MAP3K4: variants seen among roughly 807,000 people sequenced by gnomAD.
MAP3K4 encodes the protein MAP three kinase 1.
Under a neutral mutation model 185.6 loss-of-function variants are expected in MAP3K4, and 67 were observed. The observed-to-expected ratio is 0.36, with a 90% CI of 0.30 to 0.44. MAP3K4 has a LOEUF of 0.44. Ranked by LOEUF, MAP3K4 falls within the 20% of genes least tolerant of loss-of-function variation. The pLI, the probability that MAP3K4 is intolerant of heterozygous loss-of-function variation, is 1.00. For synonymous variants in MAP3K4, 702 were observed against 710.4 expected (o/e 0.99, Z 0.19); for missense variants, 1,551 against 1,995.1 (o/e 0.78, Z 4.24).
chr6:161,003,953 T>C (rs1401353376), intron 1 of MAP3K4, among the ~76,000 whole-genome samples: 1 of 151,848 alleles, frequency 6.6e-6, no homozygotes, highest in Non-Finnish European at 1.5e-5. Context: ...AGAGTTAATC[T>C]TTACTGGGAA....
Position 161,008,621 on chromosome 6 carries a change from A to G in MAP3K4, c.152+16538A>G, listed in dbSNP as rs1156856675. ...TTGTTGTATAATTTAACAAAGACAT[A>G]CTTGTGTATATTACATGTGTAGCTT... On this transcript the variant is annotated intron_variant, in intron 1 of 26. Coordinates refer to ENST00000392142, the MANE Select transcript of MAP3K4 (RefSeq NM_005922.4). This position sits in a 1 kb window ranked among gnomAD's most constrained non-coding sequence, Gnocchi z 4.1. 6.6e-6 allele frequency among the ~76,000 whole-genome samples: 1 copy of G among 152,198 alleles called. No homozygotes were observed. The highest frequency in any genetic ancestry group is 1.5e-5 in the Non-Finnish European group (1 of 68,028).
At chr6:161,006,470 T>G (rs1312686828) in intron 1 of MAP3K4, among the ~76,000 whole-genome samples, 1 of 152,242 alleles carries the variant, frequency 6.6e-6, no homozygotes, top group Non-Finnish European at 1.5e-5. Context: ...GTATTATAAC[T>G]AATCTAGAAA....
In MAP3K4 at chr6:161,112,507, T is replaced by A. The variant is rs887487427; in HGVS notation, c.4520-161T>A. 6.6e-6 allele frequency among the ~76,000 whole-genome samples: 1 copy of A among 152,268 alleles called. No individual in the cohort carries two copies. Among genetic ancestry groups the A allele is most frequent in the Admixed American group, 6.5e-5 (1 of 15,290 alleles). ...AAGAGAATTTGTCACCTAAAAAGTTTGTTCAACAAGTTGACTTGAACTGTC... is the reference window on the plus strand; with the variant it reads ...AAGAGAATTTGTCACCTAAAAAGTTAGTTCAACAAGTTGACTTGAACTGTC... On this transcript the variant is annotated intron_variant, in intron 24 of 26. Coordinates refer to ENST00000392142, the MANE Select transcript of MAP3K4 (RefSeq NM_005922.4). This position sits in a 1 kb window ranked among gnomAD's most constrained non-coding sequence, Gnocchi z 5.1.
chr6:161,093,674 G>A lies in MAP3K4; in HGVS notation c.3349-99G>A, dbSNP rs1470288362. ...TAACTGAAAATATTTTGGGTAGCAT[G>A]TTTTTAAAAATATACTGAAAATTAA... On this transcript the variant is annotated intron_variant, in intron 14 of 26. Coordinates refer to ENST00000392142, the MANE Select transcript of MAP3K4 (RefSeq NM_005922.4). The surrounding 1 kb of genome is among the most constrained non-coding windows in gnomAD (Gnocchi z 5.2). The A allele has an allele frequency of 7.2e-6, 5 of 692,544 alleles. No homozygotes were observed. Among genetic ancestry groups the A allele is most frequent in the Non-Finnish European group, 1.2e-5 (5 of 407,316 alleles). 42.9% of individuals were successfully genotyped at this position (692,544 alleles called of 1,614,324 possible). A position where few individuals can be genotyped will look rare whatever the true frequency, so the allele number is the denominator to read the frequency against.
rs778825189 is a variant in MAP3K4 at position 161,109,532 on chromosome 6, C to T, written c.4237-223C>T. On this transcript the variant is annotated intron_variant, in intron 22 of 26. Transcript: ENST00000392142. The surrounding 1 kb of genome is among the most constrained non-coding windows in gnomAD (Gnocchi z 5.7). Reference sequence around the variant, plus strand: ...CTGTGATTTGGAGATGTTCTTATCCCCAAGAGCTGTATAATTCCAGACAGA... The same window carrying T: ...CTGTGATTTGGAGATGTTCTTATCCTCAAGAGCTGTATAATTCCAGACAGA... Among the ~76,000 whole-genome samples the T allele has an allele frequency of 7.9e-5, 12 of 152,020 alleles. No individual in the cohort carries two copies. The highest frequency in any genetic ancestry group is 1.2e-4 in the Non-Finnish European group (8 of 68,004).
chr6:161,044,899 G>C (rs1481439055), intron 2 of MAP3K4, among the ~76,000 whole-genome samples: 1 of 152,118 alleles, frequency 6.6e-6, no homozygotes, highest in Non-Finnish European at 1.5e-5. Context: ...CCCGTGGGGA[G>C]GGCACTAAGC....
intron 2 of MAP3K4, among the ~76,000 whole-genome samples, chr6:161,040,976 A>G (rs1020545501): frequency 5.9e-5 from 9 of 152,214 alleles, no homozygotes; most frequent in Non-Finnish European, 1.0e-4. Flanking sequence ...TGAGTTAATG[A>G]AAGGGAGATT....
rs1778232861 is a variant in MAP3K4 at position 161,109,110 on chromosome 6, A to G, written c.4236+251A>G. ...TGAAACCCATCCTGCCATTCAGAAG[A>G]TTCTTCTAAAACGCCCCTTACACCA... is the stretch of plus-strand genomic sequence containing the variant. On this transcript the variant is annotated intron_variant, in intron 22 of 26. Coordinates refer to ENST00000392142, the MANE Select transcript of MAP3K4 (RefSeq NM_005922.4). This position sits in a 1 kb window ranked among gnomAD's most constrained non-coding sequence, Gnocchi z 5.7. The G allele has an allele frequency of 8.6e-7, 1 of 1,169,092 alleles. No homozygotes were observed. The highest frequency in any genetic ancestry group is 1.2e-6 in the Non-Finnish European group (1 of 825,782). 72.4% of individuals were successfully genotyped at this position (1,169,092 alleles called of 1,614,324 possible).
At chr6:161,024,725 A>G (rs11755042) in intron 1 of MAP3K4, among the ~76,000 whole-genome samples, 5,838 of 152,248 alleles carry the variant, frequency 0.038, 150 homozygotes, top group South Asian at 0.07. Flanking sequence ...CGTGCTGTCA[A>G]CATGGCTTAC....
intron 17 of MAP3K4, among the ~76,000 whole-genome samples, chr6:161,099,228 G>T (rs1369097327): frequency 6.6e-6 from 1 of 152,180 alleles, no homozygotes; most frequent in Non-Finnish European, 1.5e-5. Context: ...ATCAACTTCT[G>T]ATAGAACCCA....
chr6:160,993,611 G>A (rs1288557486), intron 1 of MAP3K4, among the ~76,000 whole-genome samples: 2 of 152,104 alleles, frequency 1.3e-5, no homozygotes, highest in East Asian at 1.9e-4. Context: ...CCAAATGGGC[G>A]GATCAGAAAT....
intron 2 of MAP3K4, among the ~76,000 whole-genome samples, chr6:161,036,547 T>C (rs1435089949): frequency 6.6e-6 from 1 of 152,236 alleles, no homozygotes; most frequent in Non-Finnish European, 1.5e-5. Context: ...TATTTTATAA[T>C]GGCTTCTTAA....
chr6:161,111,230 T>C (rs1452032078), intron 23 of MAP3K4, among the ~76,000 whole-genome samples: 1 of 152,200 alleles, frequency 6.6e-6, no homozygotes, highest in Non-Finnish European at 1.5e-5. Flanking sequence ...GCCAGAGATG[T>C]GTGACTTAGT....
chr6:161,041,922 TTTTC>T lies in MAP3K4; in HGVS notation c.344-6690_344-6687del, dbSNP rs1448455814. Among the ~76,000 whole-genome samples the T allele has an allele frequency of 1.1e-3, 73 of 64,488 alleles. 12 individuals are homozygous for T. The highest frequency in any genetic ancestry group is 2.4e-3 in the African/African-American group (39 of 16,348). 42.3% of individuals were successfully genotyped at this position (64,488 alleles called of 152,430 possible). Reference sequence around the variant, plus strand: ...CTTGAGTTATTGTTTCTTTTTTTTTTTTTCTTTTTTTTTTTTTTAGAGATGGGGT... The same window carrying T: ...CTTGAGTTATTGTTTCTTTTTTTTTTTTTTTTTTTTTTTTAGAGATGGGGT... On this transcript the variant is annotated intron_variant, in intron 2 of 26. Coordinates refer to ENST00000392142, the MANE Select transcript of MAP3K4 (RefSeq NM_005922.4).
chr6:161,052,625 A>G (rs1784054547), intron 3 of MAP3K4, among the ~76,000 whole-genome samples: 1 of 152,312 alleles, frequency 6.6e-6, no homozygotes, highest in Middle Eastern at 3.4e-3. Context: ...GATTAATCCA[A>G]ACTAACAAAA....
In MAP3K4 at chr6:161,086,415, G is replaced by A; in HGVS notation, c.2409G>A (p.Glu803=). The change falls in exon 8 of 27, where the codon GAG becomes GAA. Residue 803 remains glutamate, a synonymous_variant. Transcript: ENST00000392142. This position sits in a 1 kb window ranked among gnomAD's most constrained non-coding sequence, Gnocchi z 4.8. ...SVIEISRALK[E]LFHEARERAS... The stretch of plus-strand genomic sequence containing the variant: ...TAGAGATCAGTCGAGCCCTGAAGGA[G>A]CTCTTCCATGAAGCCAGAGAAAGGG... The A allele has an allele frequency of 1.2e-6, 2 of 1,614,106 alleles. No homozygotes were observed. Among genetic ancestry groups the A allele is most frequent in the Non-Finnish European group, 1.7e-6 (2 of 1,180,000 alleles).
In MAP3K4 at chr6:161,051,936, C is replaced by T. The variant is rs909363284; in HGVS notation, c.1707+1957C>T. Among the ~76,000 whole-genome samples, 3 of 152,162 alleles carry T rather than the reference C, an allele frequency of 2.0e-5. No individual in the cohort carries two copies. Among genetic ancestry groups the T allele is most frequent in the African/African-American group, 7.2e-5 (3 of 41,444 alleles). The stretch of plus-strand genomic sequence containing the variant: ...TCGTGGGCTAAAACAGTCCTCCTGC[C>T]TTAGCCTCCTGAGTAGCTTGTATTA... On this transcript the variant is annotated intron_variant, in intron 3 of 26. Transcript: ENST00000392142. The surrounding 1 kb of genome is among the most constrained non-coding windows in gnomAD (Gnocchi z 4.2).
In MAP3K4 at chr6:161,075,358, A is replaced by G. The variant is rs1032750857; in HGVS notation, c.2097+1746A>G. Reference sequence around the variant, plus strand: ...TTTTTTGTAGAGTCAGGGTCTCACTATGTTGCCCAGGCTGGTCTTGAACTC... The same window carrying G: ...TTTTTTGTAGAGTCAGGGTCTCACTGTGTTGCCCAGGCTGGTCTTGAACTC... On this transcript the variant is annotated intron_variant, in intron 5 of 26. Transcript: ENST00000392142. The surrounding 1 kb of genome is among the most constrained non-coding windows in gnomAD (Gnocchi z 4.3). 3.9e-5 allele frequency among the ~76,000 whole-genome samples: 6 copies of G among 151,942 alleles called. No homozygotes were observed. Among genetic ancestry groups the G allele is most frequent in the African/African-American group, 1.4e-4 (6 of 41,380 alleles).
rs116924633 is a variant in MAP3K4, at chr6:161,116,334, G to A, written c.4807-516G>A. On this transcript the variant is annotated intron_variant, in intron 26 of 26. Coordinates refer to ENST00000392142, the MANE Select transcript of MAP3K4 (RefSeq NM_005922.4). This position sits in a 1 kb window ranked among gnomAD's most constrained non-coding sequence, Gnocchi z 6.2. ...TGGCACTCAAGAGGGATTTTGGGTA[G>A]GGCACAGGTGTGGGAGACAGAAGTA... 6.6e-6 allele frequency among the ~76,000 whole-genome samples: 1 copy of A among 152,156 alleles called. No individual in the cohort carries two copies. The highest frequency in any genetic ancestry group is 1.9e-4 in the East Asian group (1 of 5,138).
Sources: allele counts gnomAD v4.1 joint callset (sites outside exome capture counted in the v4.1 genomes callset), GRCh38; gene constraint gnomAD v4.1.1; non-coding constraint Gnocchi (gnomAD v3.1); transcripts MANE v1.5; gene names NCBI Gene and HGNC (gene_info 2026-07-23, HGNC 2026-07-21).